The following ASAP1 variants were observed in gnomAD, a reference collection of about 807,000 sequenced individuals.
ASAP1 encodes arf-GAP with SH3 domain, ANK repeat and PH domain-containing protein 1.
Under a neutral mutation model 145.2 loss-of-function variants are expected in ASAP1, and 43 were observed. That is an observed-to-expected ratio of 0.30 (90% CI 0.23 to 0.38). ASAP1 has a LOEUF of 0.38. Among genes scored for constraint, ASAP1 ranks in the 10% least tolerant of loss-of-function variants. The pLI is 1.00. For missense variants in ASAP1, 1,018 were observed against 1,355.3 expected (o/e 0.75, Z 3.91); for synonymous variants, 546 against 515.5 (o/e 1.06, Z -0.80).
At chr8:130,332,441 C>T (rs538822367) in intron 3 of ASAP1, among the ~76,000 whole-genome samples, 18 of 152,206 alleles carry the variant, frequency 1.2e-4, no homozygotes, top group Admixed American at 9.8e-4. Context: ...TGTCATTGTA[C>T]TTTAGTTTAC....
At chr8:130,280,396 T>C (rs905636830) in intron 3 of ASAP1, among the ~76,000 whole-genome samples, 2 of 152,360 alleles carry the variant, frequency 1.3e-5, no homozygotes, top group Admixed American at 6.5e-5. Context: ...AAAGTCTACT[T>C]GTGATAATGG....
At chr8:130,123,939 A>AC in intron 18 of ASAP1, 74 bp downstream of exon 18, 5 of 1,218,462 alleles carry the variant, frequency 4.1e-6, no homozygotes, top group Non-Finnish European at 5.9e-6. Flanking sequence ...AAAAAAAAAA[A>AC]AGAAGTTTTT....
At chr8:130,346,469 A>C (rs1468258970) in intron 3 of ASAP1, among the ~76,000 whole-genome samples, 1 of 152,206 alleles carries the variant, frequency 6.6e-6, no homozygotes, top group African/African-American at 2.4e-5. Flanking sequence ...CTTGAGGATG[A>C]GTCTGAGTAG....
At chr8:130,143,455 A>G in intron 13 of ASAP1, among the ~76,000 whole-genome samples, 1 of 148,154 alleles carries the variant, frequency 6.7e-6, no homozygotes, top group East Asian at 2.0e-4. Context: ...TGTATATACT[A>G]TTTTGTAAAC....
chr8:130,180,333 G>C (rs1814267468), intron 8 of ASAP1, among the ~76,000 whole-genome samples: 1 of 152,132 alleles, frequency 6.6e-6, no homozygotes, highest in Admixed American at 6.5e-5. Context: ...GCTTTTTGTT[G>C]CATTTTTCGT....
chr8:130,423,754 C>A (rs1829810192), intron 1 of ASAP1, among the ~76,000 whole-genome samples: 1 of 152,160 alleles, frequency 6.6e-6, no homozygotes, highest in African/African-American at 2.4e-5. Context: ...CTCTCATTGG[C>A]TGGATAATTA....
At chr8:130,057,744 G>C (rs116244779) in intron 29 of ASAP1, among the ~76,000 whole-genome samples, 1 of 152,166 alleles carries the variant, frequency 6.6e-6, no homozygotes, top group Non-Finnish European at 1.5e-5. Context: ...CACTGTGCCC[G>C]GCCAGCTCCA....
chr8:130,147,339 TA>T (rs2097634284), intron 13 of ASAP1, among the ~76,000 whole-genome samples: 1 of 152,132 alleles, frequency 6.6e-6, no homozygotes, highest in African/African-American at 2.4e-5. Context: ...CTGTTCTAAT[TA>T]TTTATAATCA....
At chr8:130,355,371 T>C (rs1033694079) in intron 3 of ASAP1, among the ~76,000 whole-genome samples, 1 of 152,176 alleles carries the variant, frequency 6.6e-6, no homozygotes, top group Non-Finnish European at 1.5e-5. Context: ...TGTGCATTAG[T>C]GATCTAAAGA....
intron 1 of ASAP1, among the ~76,000 whole-genome samples, chr8:130,413,513 A>C (rs1477549087): frequency 6.6e-6 from 1 of 152,224 alleles, no homozygotes; most frequent in Non-Finnish European, 1.5e-5. Flanking sequence ...TGCATCTTGA[A>C]ATCAAAGACA....
chr8:130,365,188 A>G (rs948384661), intron 2 of ASAP1, among the ~76,000 whole-genome samples: 2 of 152,176 alleles, frequency 1.3e-5, no homozygotes, highest in African/African-American at 4.8e-5. Context: ...TAACCTAGTG[A>G]GGTAGTGTGT....
At chr8:130,165,274 A>G (rs1464733523) in intron 11 of ASAP1, among the ~76,000 whole-genome samples, 1 of 152,216 alleles carries the variant, frequency 6.6e-6, no homozygotes, top group Non-Finnish European at 1.5e-5. Flanking sequence ...TATGTAGGAA[A>G]GAGGTAATAC....
chr8:130,076,453 T>C (rs1315360565), intron 26 of ASAP1, 47 bp from the exon 27 acceptor site: 7 of 1,243,034 alleles, frequency 5.6e-6, no homozygotes, highest in South Asian at 2.5e-5. Flanking sequence ...TGCTAGAATA[T>C]CAATAGCAAA....
chr8:130,146,259 G>A (rs1341454959), intron 13 of ASAP1, among the ~76,000 whole-genome samples: 1 of 151,834 alleles, frequency 6.6e-6, no homozygotes, highest in Non-Finnish European at 1.5e-5. Flanking sequence ...TGTAAATCAA[G>A]ACTTTAAAAA....
chr8:130,070,149 G>A (rs552261369), intron 27 of ASAP1, among the ~76,000 whole-genome samples: 4 of 150,590 alleles, frequency 2.7e-5, no homozygotes, highest in African/African-American at 4.9e-5. Flanking sequence ...CCATTCTCCT[G>A]CCTCAGCCTC....
intron 24 of ASAP1, among the ~76,000 whole-genome samples, chr8:130,101,318 A>T (rs1317826809): frequency 4.6e-5 from 7 of 152,104 alleles, no homozygotes; most frequent in Non-Finnish European, 4.4e-5. Flanking sequence ...TTCTATGAGG[A>T]ATGTCATTAG....
intron 4 of ASAP1, among the ~76,000 whole-genome samples, chr8:130,224,207 TA>T (rs1194927185): frequency 6.6e-6 from 1 of 152,136 alleles, no homozygotes; most frequent in Non-Finnish European, 1.5e-5. Flanking sequence ...AAAAAATACT[TA>T]CCAGCAGCCA....
At chr8:130,095,543 C>A (rs958805741) in intron 24 of ASAP1, among the ~76,000 whole-genome samples, 1 of 151,464 alleles carries the variant, frequency 6.6e-6, no homozygotes, top group Non-Finnish European at 1.5e-5. Context: ...TCAAGTGATT[C>A]ACCTGCTTCA....
chr8:130,112,169 C>T lies in ASAP1; in HGVS notation c.2326G>A (p.Val776Ile), dbSNP rs778257995. 29 of 1,613,954 alleles carry T rather than the reference C, an allele frequency of 1.8e-5. No individual in the cohort carries two copies. Among genetic ancestry groups the T allele is most frequent in the African/African-American group, 2.7e-5 (2 of 74,894 alleles). ...SYGAFTNQIF[V>I]STSTDSPTSP... ...GTGGGCGAGTCTGTGCTTGTGGAAACGAAGATCTGGTTGGTGAAGGCTCCA... is the reference window on the plus strand; with the variant it reads ...GTGGGCGAGTCTGTGCTTGTGGAAATGAAGATCTGGTTGGTGAAGGCTCCA... Residue 776 changes from valine (V) to isoleucine (I), a missense_variant, in exon 24 of 30, where the codon GTT (valine) becomes ATT (isoleucine). Physicochemically the swap from Val to Ile is conservative, Grantham distance 29 (BLOSUM62 3). This residue lies in a region of ASAP1 where 353 missense variants were observed against 375.4 expected (regional missense o/e 0.94). Transcript: ENST00000518721.
Sources: gnomAD v4.1 joint callset for allele counts (sites outside exome capture counted in the v4.1 genomes callset) on GRCh38, gnomAD v4.1.1 for gene constraint, gnomAD v4.1.1 regional missense constraint, MANE v1.5 for transcripts, NCBI Gene and HGNC (gene_info 2026-07-23, HGNC 2026-07-21) for gene names.